Variants in OVOL2 observed in about 807,000 individuals in gnomAD.
OVOL2 encodes the protein ovo like zinc finger 2.
OVOL2 carries 13 observed loss-of-function variants against 18.1 expected under a neutral mutation model. The ratio of observed to expected loss-of-function variants is 0.72; its 90% CI spans 0.47 to 1.14. OVOL2 has a LOEUF of 1.14. Among genes scored for constraint, OVOL2 ranks in the 50% most tolerant of loss-of-function variants. OVOL2 has a pLI of 0.00. For synonymous variants in OVOL2, 166 were observed against 162.7 expected (o/e 1.02, Z -0.16); for missense variants, 335 against 383.0 (o/e 0.87, Z 1.05).
chr20:18,053,521 C>T (rs1163693357), intron 2 of OVOL2, among the ~76,000 whole-genome samples: 2 of 151,924 alleles, frequency 1.3e-5, no homozygotes, highest in African/African-American at 2.4e-5. Flanking sequence ...GACAACATGG[C>T]GAAACTTCGT....
In OVOL2 at chr20:18,057,420, C is replaced by T; in HGVS notation, c.100+115G>A. The stretch of plus-strand genomic sequence containing the variant: ...GCCTAGAAGACCCCCGCGTGCCCCC[C>T]GGAAGAGGGGGATGAGGTGGGGAGC... On this transcript the variant is annotated intron_variant, in intron 1 of 3. Coordinates refer to ENST00000278780, the MANE Select transcript of OVOL2 (RefSeq NM_021220.4). The surrounding 1 kb of genome is among the most constrained non-coding windows in gnomAD (Gnocchi z 6.3). 1 of 1,242,080 alleles carries T rather than the reference C, an allele frequency of 8.1e-7. No individual in the cohort carries two copies. Among genetic ancestry groups the T allele is most frequent in the African/African-American group, 1.5e-5 (1 of 65,254 alleles). 76.9% of individuals were successfully genotyped at this position (1,242,080 alleles called of 1,614,324 possible).
intron 2 of OVOL2, among the ~76,000 whole-genome samples, chr20:18,055,497 C>A (rs1397781521): frequency 3.3e-5 from 5 of 152,184 alleles, no homozygotes; most frequent in Admixed American, 3.3e-4. Flanking sequence ...CCGGCCCGCA[C>A]GGTTTCGGCA....
intron 2 of OVOL2, among the ~76,000 whole-genome samples, chr20:18,047,950 C>T (rs1285419864): frequency 6.7e-6 from 1 of 150,050 alleles, no homozygotes; most frequent in African/African-American, 2.5e-5. Flanking sequence ...GTTAGACCAA[C>T]TCCAAAATTC....
At chr20:18,040,081 C>T (rs1284262086) in intron 3 of OVOL2, among the ~76,000 whole-genome samples, 5 of 152,126 alleles carry the variant, frequency 3.3e-5, no homozygotes, top group South Asian at 2.1e-4. Context: ...CGCACCACCA[C>T]GCCTGGCTAA....
At chr20:18,025,253 G>A (rs997038766) in intron 3 of OVOL2, among the ~76,000 whole-genome samples, 5 of 152,160 alleles carry the variant, frequency 3.3e-5, no homozygotes, top group Admixed American at 6.6e-5. Context: ...ATATTATTGT[G>A]AGCAAAGTAA....
intron 2 of OVOL2, among the ~76,000 whole-genome samples, chr20:18,052,349 T>C (rs900585880): frequency 1.1e-4 from 17 of 152,232 alleles, no homozygotes; most frequent in African/African-American, 4.1e-4. Flanking sequence ...AGTATTAATT[T>C]ATGAGACAAT....
intron 3 of OVOL2, among the ~76,000 whole-genome samples, chr20:18,032,499 T>TTTATTATTA (rs111565839): frequency 6.6e-6 from 1 of 150,996 alleles, no homozygotes; most frequent in Non-Finnish European, 1.5e-5. Context: ...CATGATTTCT[T>TTTATTATTA]TTATTATTAT....
At chr20:18,058,166 C>T (rs1163309325), upstream of OVOL2, among the ~76,000 whole-genome samples, 1 of 152,150 alleles carries the variant, frequency 6.6e-6, no homozygotes, top group Non-Finnish European at 1.5e-5. Context: ...GTTCGCCTCC[C>T]AGGGCACCCC....
chr20:18,039,258 G>A (rs1218807052), intron 3 of OVOL2, among the ~76,000 whole-genome samples: 1 of 152,138 alleles, frequency 6.6e-6, no homozygotes, highest in African/African-American at 2.4e-5. Flanking sequence ...TCCTAAATTT[G>A]CTGAGGTCGG....
intron 2 of OVOL2, among the ~76,000 whole-genome samples, chr20:18,050,410 T>A (rs183323238): frequency 6.6e-6 from 1 of 152,354 alleles, no homozygotes; most frequent in African/African-American, 2.4e-5. Context: ...GTGGCCCAGT[T>A]CTGCTCTGTG....
At chr20:18,030,100 G>C (rs1164218784) in intron 3 of OVOL2, among the ~76,000 whole-genome samples, 4 of 152,180 alleles carry the variant, frequency 2.6e-5, no homozygotes, top group Non-Finnish European at 4.4e-5. Context: ...GGAAAGAAAG[G>C]CCACATCTTT....
chr20:18,053,405 A>T (rs1056100843), intron 2 of OVOL2, among the ~76,000 whole-genome samples: 1 of 152,186 alleles, frequency 6.6e-6, no homozygotes. Flanking sequence ...ACAGCCGTTA[A>T]GAGGGACCCA....
At chr20:18,045,968 C>A (rs755408173) in intron 2 of OVOL2, among the ~76,000 whole-genome samples, 1 of 152,154 alleles carries the variant, frequency 6.6e-6, no homozygotes, top group Non-Finnish European at 1.5e-5. Flanking sequence ...GCTGAGTCAC[C>A]AAGAAGTGGC....
At chr20:18,038,184 G>A (rs765655394) in intron 3 of OVOL2, among the ~76,000 whole-genome samples, 5 of 151,640 alleles carry the variant, frequency 3.3e-5, no homozygotes, top group Non-Finnish European at 7.4e-5. Flanking sequence ...CCCTATGTTG[G>A]CTGAGAGCTC....
chr20:18,041,515 G>A lies in OVOL2; in HGVS notation c.511+19C>T, dbSNP rs760928536. ...CCAGAATAACAAAACAGAGAACAAA[G>A]CACGCACTCCCCGCTCACCTGTGTG... On this transcript the variant is annotated intron_variant, in intron 3 of 3. Coordinates refer to ENST00000278780, the MANE Select transcript of OVOL2 (RefSeq NM_021220.4). The A allele has an allele frequency of 2.6e-5, 41 of 1,598,658 alleles. No individual in the cohort carries two copies. Among genetic ancestry groups the A allele is most frequent in the Middle Eastern group, 1.7e-4 (1 of 6,034 alleles).
At position 18,041,603 on chromosome 20, in the gene OVOL2, G is replaced by T. The variant is rs1404866716; in HGVS notation, c.442C>A (p.Leu148Met). The change falls in exon 3 of 4, where the codon CTG becomes ATG. Residue 148 changes from leucine to methionine, a missense_variant. Coordinates refer to ENST00000278780, the MANE Select transcript of OVOL2 (RefSeq NM_021220.4). ...LKCHNQVKRH[L>M]CTFCGKGFND... ...AAGCCCTTGCCGCAGAAGGTGCACA[G>T]GTGTCTTTTCACCTGGTTGTGGCAC... 6.2e-7 allele frequency: 1 copy of T among 1,614,108 alleles called. No homozygotes were observed. The highest frequency in any genetic ancestry group is 8.5e-7 in the Non-Finnish European group (1 of 1,180,048).
intron 3 of OVOL2, among the ~76,000 whole-genome samples, chr20:18,026,603 G>A (rs972033478): frequency 6.6e-5 from 10 of 152,068 alleles, no homozygotes; most frequent in East Asian, 3.9e-4. Context: ...GAATGGTCTC[G>A]ATCTCCTGAC....
intron 3 of OVOL2, among the ~76,000 whole-genome samples, chr20:18,026,309 G>T (rs2036514837): frequency 6.6e-6 from 1 of 152,086 alleles, no homozygotes. Context: ...GAATCACCTG[G>T]AGAACTTTTG....
At chr20:18,033,811 C>G (rs1429922001) in intron 3 of OVOL2, among the ~76,000 whole-genome samples, 3 of 152,146 alleles carry the variant, frequency 2.0e-5, no homozygotes, top group African/African-American at 4.8e-5. Context: ...GATCTCCTCC[C>G]TCTCCTCCCA....
Sources: allele counts gnomAD v4.1 joint callset (sites outside exome capture counted in the v4.1 genomes callset), GRCh38; gene constraint gnomAD v4.1.1; non-coding constraint Gnocchi (gnomAD v3.1); transcripts MANE v1.5; gene names NCBI Gene and HGNC (gene_info 2026-07-23, HGNC 2026-07-21).